The following KCNN2 variants were observed in gnomAD, a reference collection of about 807,000 sequenced individuals.
KCNN2 encodes the protein small conductance calcium-activated potassium channel protein 2.
A neutral mutation model predicts 55.5 loss-of-function variants in KCNN2; 24 were observed. The observed-to-expected ratio is 0.43, with a 90% CI of 0.31 to 0.61. The LOEUF (loss-of-function observed/expected upper bound fraction) is 0.61, where lower values mean the gene tolerates loss of function less well. Ranked by LOEUF, KCNN2 falls within the 20% of genes least tolerant of loss-of-function variation. The pLI is 0.08. For missense variants in KCNN2, 754 were observed against 853.6 expected, an observed-to-expected ratio of 0.88 and a Z score of 1.45; for synonymous variants, 431 against 336.1, an observed-to-expected ratio of 1.28 and a Z score of -3.09.
intron 2 of KCNN2, among the ~76,000 whole-genome samples, chr5:114,223,520 T>C (rs1754185588): frequency 6.6e-6 from 1 of 151,962 alleles, no homozygotes; most frequent in Non-Finnish European, 1.5e-5. Flanking sequence ...AAGACAGGAG[T>C]CTCCTTGGAC....
intron 1 of KCNN2, among the ~76,000 whole-genome samples, chr5:114,088,849 G>A (rs1274874369): frequency 6.6e-6 from 1 of 152,130 alleles, no homozygotes; most frequent in African/African-American, 2.4e-5. Context: ...TCGAACTCCT[G>A]ACCTCAAGTG....
At chr5:114,336,550 A>G (rs532299509) in intron 2 of KCNN2, among the ~76,000 whole-genome samples, 1 of 152,196 alleles carries the variant, frequency 6.6e-6, no homozygotes, top group Non-Finnish European at 1.5e-5. Context: ...CAACACTCAC[A>G]AGCCTTGCAT....
chr5:114,057,737 A>G (rs1285236493), intron 1 of KCNN2, among the ~76,000 whole-genome samples: 1 of 152,246 alleles, frequency 6.6e-6, no homozygotes, highest in Non-Finnish European at 1.5e-5. Context: ...TGGTAGTGAC[A>G]TTCAGACTGA....
chr5:114,071,443 A>G (rs1207417095), intron 1 of KCNN2, among the ~76,000 whole-genome samples: 1 of 152,210 alleles, frequency 6.6e-6, no homozygotes, highest in Non-Finnish European at 1.5e-5. Flanking sequence ...CTTAGGTCAC[A>G]TGCTTGTACC....
intron 1 of KCNN2, among the ~76,000 whole-genome samples, chr5:114,059,625 G>C (rs1350845484): frequency 6.6e-5 from 10 of 152,218 alleles, no homozygotes; most frequent in Admixed American, 6.5e-4. Context: ...TTCTGATGCT[G>C]CTGGTGTCTG....
intron 2 of KCNN2, among the ~76,000 whole-genome samples, chr5:114,306,754 G>A (rs1280992152): frequency 6.9e-6 from 1 of 144,332 alleles, no homozygotes; most frequent in South Asian, 2.2e-4. Context: ...AGGCTGGAGT[G>A]CAGTGGCACG....
At chr5:114,297,701 CTAAG>C (rs1756057824) in intron 2 of KCNN2, among the ~76,000 whole-genome samples, 1 of 151,916 alleles carries the variant, frequency 6.6e-6, no homozygotes, top group Non-Finnish European at 1.5e-5. Flanking sequence ...GTGAAACAAT[CTAAG>C]TATTTCATAA....
intron 2 of KCNN2, among the ~76,000 whole-genome samples, chr5:114,372,143 C>T (rs1413467618): frequency 6.6e-6 from 1 of 152,148 alleles, no homozygotes; most frequent in East Asian, 1.9e-4. Context: ...GGCAAGACTC[C>T]AGCGTTTAAA....
At chr5:114,453,888 G>T (rs1561393948) in intron 3 of KCNN2, among the ~76,000 whole-genome samples, 1 of 151,916 alleles carries the variant, frequency 6.6e-6, no homozygotes, top group East Asian at 1.9e-4. Flanking sequence ...CATGTGTCAT[G>T]GTGGTTTGCT....
chr5:114,241,733 C>CAT (rs1162781383), intron 2 of KCNN2, among the ~76,000 whole-genome samples: 3 of 53,336 alleles, frequency 5.6e-5, no homozygotes, highest in Non-Finnish European at 1.0e-4. Context: ...TATATATATA[C>CAT]ATATATACGT....
intron 2 of KCNN2, among the ~76,000 whole-genome samples, chr5:114,289,379 T>C (rs1755835612): frequency 6.6e-6 from 1 of 151,314 alleles, no homozygotes; most frequent in South Asian, 2.1e-4. Flanking sequence ...CTTTTTTTTT[T>C]TTTTTTTTGA....
chr5:114,158,520 T>G lies in KCNN2; in HGVS notation c.-270-62960T>G, dbSNP rs879784710. Reference sequence around the variant, plus strand: ...TGGTTCCATATGAAGTTTAAAGTAGTTTTTTCCAATTCTGTGAAGAAAGTC... The same window carrying G: ...TGGTTCCATATGAAGTTTAAAGTAGGTTTTTCCAATTCTGTGAAGAAAGTC... On this transcript the variant is annotated intron_variant, in intron 1 of 10. Coordinates refer to the KCNN2 transcript ENST00000512097. 3.0e-3 allele frequency among the ~76,000 whole-genome samples: 450 copies of G among 152,140 alleles called. 3 individuals are homozygous for G. The highest frequency in any genetic ancestry group is 3.4e-3 in the Non-Finnish European group (233 of 68,000).
chr5:114,456,986 C>G (rs1488522470), intron 3 of KCNN2, among the ~76,000 whole-genome samples: 3 of 152,142 alleles, frequency 2.0e-5, no homozygotes, highest in Non-Finnish European at 4.4e-5. Flanking sequence ...GAAATGACAA[C>G]AAAGACTTTA....
At chr5:114,486,738 G>A (rs934488717) in intron 5 of KCNN2, 2 of 1,297,614 alleles carry the variant, frequency 1.5e-6, no homozygotes, top group African/African-American at 3.0e-5. Flanking sequence ...AATACACGGT[G>A]GAGAACTCAA....
chr5:114,197,927 TA>T (rs1753592264), intron 1 of KCNN2, among the ~76,000 whole-genome samples: 1 of 152,152 alleles, frequency 6.6e-6, no homozygotes, highest in African/African-American at 2.4e-5. Context: ...ACATTTGCTG[TA>T]TGCATTTAGG....
intron 2 of KCNN2, among the ~76,000 whole-genome samples, chr5:114,340,268 T>A (rs1756993007): frequency 6.6e-6 from 1 of 152,232 alleles, no homozygotes; most frequent in Admixed American, 6.5e-5. Flanking sequence ...CATTGTTTAA[T>A]TGTGTTCTAT....
intron 2 of KCNN2, among the ~76,000 whole-genome samples, chr5:114,280,286 C>T (rs1046613540): frequency 1.3e-5 from 2 of 152,166 alleles, no homozygotes; most frequent in Non-Finnish European, 1.5e-5. Flanking sequence ...TTTTGCTGTG[C>T]AGAAGCTCTT....
At chr5:114,407,310 T>G (rs1188522207) in intron 3 of KCNN2, among the ~76,000 whole-genome samples, 1 of 152,158 alleles carries the variant, frequency 6.6e-6, no homozygotes, top group Non-Finnish European at 1.5e-5. Flanking sequence ...TTCCATTTGT[T>G]TTTGCTCTAT....
intron 1 of KCNN2, among the ~76,000 whole-genome samples, chr5:114,148,108 A>G (rs535595012): frequency 4.6e-4 from 70 of 152,324 alleles, no homozygotes; most frequent in Admixed American, 8.5e-4. Context: ...TTCCATTCAT[A>G]TCTAGCTGTA....
Sources: gnomAD v4.1 joint callset for allele counts (sites outside exome capture counted in the v4.1 genomes callset) on GRCh38, gnomAD v4.1.1 for gene constraint, MANE v1.5 for transcripts, NCBI Gene and HGNC (gene_info 2026-07-23, HGNC 2026-07-21) for gene names.